Variants in JAM3 observed in about 807,000 individuals in gnomAD.
JAM3 encodes the protein junctional adhesion molecule C.
A neutral mutation model predicts 39.4 loss-of-function variants in JAM3; 31 were observed. That is an observed-to-expected ratio of 0.79 (90% CI 0.59 to 1.06). The LOEUF (loss-of-function observed/expected upper bound fraction) is 1.06, where lower values mean the gene tolerates loss of function less well. JAM3 is among the 50% of genes least tolerant of loss of function. JAM3 has a pLI of 0.00. For missense variants in JAM3, 455 were observed against 391.4 expected, an observed-to-expected ratio of 1.16 and a Z score of -1.37; for synonymous variants, 182 against 148.7, an observed-to-expected ratio of 1.22 and a Z score of -1.63.
chr11:134,113,439 G>A (rs535509588), intron 1 of JAM3, among the ~76,000 whole-genome samples: 139 of 152,184 alleles, frequency 9.1e-4, no homozygotes, highest in African/African-American at 3.1e-3. Flanking sequence ...GAGAACACGC[G>A]GTGTTTGGTT....
chr11:134,116,211 G>T (rs937605509), intron 1 of JAM3, among the ~76,000 whole-genome samples: 17 of 152,138 alleles, frequency 1.1e-4, no homozygotes, highest in Non-Finnish European at 1.0e-4. Context: ...TATTTCGGTG[G>T]ATAAGATGTT....
intron 3 of JAM3, 131 bp from the exon 4 acceptor site, chr11:134,144,110 G>A: frequency 2.3e-6 from 2 of 857,564 alleles, no homozygotes; most frequent in Non-Finnish European, 1.9e-6. Context: ...TTCTGTACTC[G>A]GGAATAGAAA....
intron 1 of JAM3, among the ~76,000 whole-genome samples, chr11:134,103,640 T>C (rs960818229): frequency 3.3e-5 from 5 of 152,036 alleles, no homozygotes; most frequent in African/African-American, 1.2e-4. Flanking sequence ...GAGACACACA[T>C]AGGCTTAAAA....
At chr11:134,070,027 T>A (rs1941462881) in intron 1 of JAM3, 1 of 361,146 alleles carries the variant, frequency 2.8e-6, no homozygotes. Context: ...TCTCATTAGA[T>A]CCACATTTTC....
In JAM3 at chr11:134,104,542, C is replaced by A. The variant is rs186421213; in HGVS notation, c.77-35309C>A. 6.6e-5 allele frequency among the ~76,000 whole-genome samples: 10 copies of A among 152,070 alleles called. No homozygotes were observed. The East Asian group carries it at 1.7e-3, about 26-fold the overall frequency. On this transcript the variant is annotated intron_variant, in intron 1 of 8. Transcript: ENST00000299106. ...TGGAAGGAAATAGAGATACAAAAAACCCTTCAAAAAAATCAATGAATCCAG... is the reference window on the plus strand; with the variant it reads ...TGGAAGGAAATAGAGATACAAAAAAACCTTCAAAAAAATCAATGAATCCAG...
At chr11:134,106,715 A>G (rs1942197072) in intron 1 of JAM3, among the ~76,000 whole-genome samples, 1 of 152,284 alleles carries the variant, frequency 6.6e-6, no homozygotes, top group Non-Finnish European at 1.5e-5. Context: ...TATGCAGCCA[A>G]AAGACACATG....
intron 1 of JAM3, among the ~76,000 whole-genome samples, chr11:134,104,102 T>C (rs530477148): frequency 5.3e-4 from 80 of 152,330 alleles, no homozygotes; most frequent in African/African-American, 1.6e-3. Flanking sequence ...GACCACATAC[T>C]TGGAAGTAAA....
At chr11:134,098,653 T>G (rs939972951) in intron 1 of JAM3, among the ~76,000 whole-genome samples, 1 of 152,198 alleles carries the variant, frequency 6.6e-6, no homozygotes, top group African/African-American at 2.4e-5. Context: ...ATTGTCAAAG[T>G]ACACTGAACT....
chr11:134,148,008 C>T (rs887445029), intron 6 of JAM3: 8 of 178,814 alleles, frequency 4.5e-5, no homozygotes, highest in African/African-American at 1.9e-4. Context: ...CAGGGGGTTT[C>T]CTCTCAGAGG....
intron 1 of JAM3, among the ~76,000 whole-genome samples, chr11:134,094,608 G>A (rs1392643019): frequency 1.3e-5 from 2 of 150,910 alleles, no homozygotes; most frequent in East Asian, 2.0e-4. Flanking sequence ...CACTTCCTGA[G>A]GGAAGCTTCT....
At chr11:134,083,273 T>A (rs1292993910) in intron 1 of JAM3, among the ~76,000 whole-genome samples, 1 of 152,182 alleles carries the variant, frequency 6.6e-6, no homozygotes. Flanking sequence ...CGGTGTCCAT[T>A]TACAGCAGAT....
rs1348818562 is a variant in JAM3, at chr11:134,095,296, ACT to A, written c.76+26140_76+26141del. ...GCATGTACTAATGCAAATATGGAAAACTCTTTTTTTTTTATTGGCACATGAAG... is the reference window on the plus strand; with the variant it reads ...GCATGTACTAATGCAAATATGGAAAACTTTTTTTTTTATTGGCACATGAAG... On this transcript the variant is annotated intron_variant, in intron 1 of 8. Transcript: ENST00000299106. Among the ~76,000 whole-genome samples the A allele has an allele frequency of 4.6e-5, 7 of 151,676 alleles. No individual in the cohort carries two copies. In the South Asian group the frequency reaches 6.3e-4, roughly 14 times the overall value.
chr11:134,124,757 G>C (rs1942611201), intron 1 of JAM3, among the ~76,000 whole-genome samples: 1 of 152,182 alleles, frequency 6.6e-6, no homozygotes, highest in Non-Finnish European at 1.5e-5. Context: ...CGGTCGGTGT[G>C]TCCAGGAGTG....
intron 1 of JAM3, among the ~76,000 whole-genome samples, chr11:134,108,859 G>A (rs1942254123): frequency 6.6e-6 from 1 of 152,120 alleles, no homozygotes; most frequent in African/African-American, 2.4e-5. Context: ...CAAAAATTAG[G>A]AATAGAGGGA....
chr11:134,125,271 G>C (rs1458386003), intron 1 of JAM3, among the ~76,000 whole-genome samples: 1 of 152,236 alleles, frequency 6.6e-6, no homozygotes, highest in Non-Finnish European at 1.5e-5. Context: ...GGAAGAGATG[G>C]CTGTGTTGAA....
rs1458858548 is a variant in JAM3 at position 134,150,940 on chromosome 11, A to T, written c.*1759A>T. 6 of 152,204 alleles carry T rather than the reference A, an allele frequency of 3.9e-5. No homozygotes were observed. The allele number at this position is 152,204 out of a possible 1,614,324, so 9.4% of individuals were successfully genotyped here. A position where few individuals can be genotyped will look rare whatever the true frequency, so the allele number is the denominator to read the frequency against. On this transcript the variant is annotated 3_prime_UTR_variant, in exon 9 of 9. Coordinates refer to ENST00000299106, the MANE Select transcript of JAM3 (RefSeq NM_032801.5). ...AAAGCAGTTTTCTAATTTTGACTTT[A>T]AATTTTTCATCCGCCGGAGACACTG...
chr11:134,145,911 G>T (rs1943062633), intron 5 of JAM3, 35 bp from the exon 6 acceptor site: 3 of 1,448,720 alleles, frequency 2.1e-6, no homozygotes, highest in East Asian at 2.3e-5. Context: ...GCCCCATGAT[G>T]GGTCCGATTA....
chr11:134,073,975 GTAA>G (rs888209353), intron 1 of JAM3, among the ~76,000 whole-genome samples: 1 of 152,174 alleles, frequency 6.6e-6, no homozygotes, highest in African/African-American at 2.4e-5. Flanking sequence ...AAAGAGAATG[GTAA>G]TAATTTATTG....
Position 134,081,526 on chromosome 11 carries a change from C to T in JAM3, c.76+12367C>T, listed in dbSNP as rs189671250. Among the ~76,000 whole-genome samples the T allele has an allele frequency of 7.2e-3, 1,098 of 152,342 alleles. 9 individuals carry two copies. The highest frequency in any genetic ancestry group is 0.025 in the African/African-American group (1,031 of 41,582). On this transcript the variant is annotated intron_variant, in intron 1 of 8. Coordinates refer to ENST00000299106, the MANE Select transcript of JAM3 (RefSeq NM_032801.5). ...GGCTTCAGAGGGTGCAAGCCCCAAGCCTTGCAGCTTCCACGTGGTGTTGAG... is the reference window on the plus strand; with the variant it reads ...GGCTTCAGAGGGTGCAAGCCCCAAGTCTTGCAGCTTCCACGTGGTGTTGAG...
Sources: gnomAD v4.1 joint callset for allele counts (sites outside exome capture counted in the v4.1 genomes callset) on GRCh38, gnomAD v4.1.1 for gene constraint, MANE v1.5 for transcripts, NCBI Gene and HGNC (gene_info 2026-07-23, HGNC 2026-07-21) for gene names.